The following SLC22A3 variants were observed in gnomAD, a reference collection of about 807,000 sequenced individuals.
The protein encoded by SLC22A3 is EMT organic cation transporter 3.
Under a neutral mutation model 59.1 loss-of-function variants are expected in SLC22A3, and 51 were observed. That is an observed-to-expected ratio of 0.86 (90% confidence interval 0.69 to 1.09). SLC22A3 has a LOEUF of 1.09. Ranked by LOEUF, SLC22A3 falls within the 50% of genes least tolerant of loss-of-function variation. The probability of loss-of-function intolerance (pLI) is 0.00; values close to 1 mark genes in which losing one functional copy is unlikely to be tolerated. For synonymous variants in SLC22A3, 325 were observed against 292.0 expected, an observed-to-expected ratio of 1.11 and a Z score of -1.15; for missense variants, 711 against 726.3, an observed-to-expected ratio of 0.98 and a Z score of 0.24.
At chr6:160,351,908 T>C (rs1251633591) in intron 1 of SLC22A3, among the ~76,000 whole-genome samples, 1 of 152,194 alleles carries the variant, frequency 6.6e-6, no homozygotes, top group East Asian at 1.9e-4. Context: ...CAGTCCACTT[T>C]CCTCCATAAA....
chr6:160,414,130 A>C (rs1787372067), intron 5 of SLC22A3, among the ~76,000 whole-genome samples: 1 of 152,212 alleles, frequency 6.6e-6, no homozygotes, highest in Non-Finnish European at 1.5e-5. Context: ...ATTTCTGGCA[A>C]GACTACTTCA....
intron 1 of SLC22A3, among the ~76,000 whole-genome samples, chr6:160,378,562 G>T (rs548355856): frequency 1.3e-5 from 2 of 152,346 alleles, no homozygotes; most frequent in Admixed American, 6.5e-5. Flanking sequence ...CTCCACCTTA[G>T]AATTTCTTTT....
chr6:160,410,976 A>G, intron 5 of SLC22A3, 130 bp downstream of exon 5: 2 of 495,992 alleles, frequency 4.0e-6, no homozygotes, highest in Non-Finnish European at 7.3e-6. Flanking sequence ...ATATGTATGT[A>G]TGTATATATG....
chr6:160,384,837 A>G (rs185261145), intron 1 of SLC22A3, among the ~76,000 whole-genome samples: 5 of 152,154 alleles, frequency 3.3e-5, no homozygotes, highest in Admixed American at 2.6e-4. Flanking sequence ...GTGCCTCATC[A>G]TGTCTCCACT....
At chr6:160,370,922 A>G (rs1489648412) in intron 1 of SLC22A3, among the ~76,000 whole-genome samples, 1 of 152,054 alleles carries the variant, frequency 6.6e-6, no homozygotes, top group East Asian at 1.9e-4. Flanking sequence ...CTTGTGTCCA[A>G]ATACAATCAG....
chr6:160,378,180 A>T (rs1335066503), intron 1 of SLC22A3, among the ~76,000 whole-genome samples: 1 of 152,242 alleles, frequency 6.6e-6, no homozygotes, highest in East Asian at 1.9e-4. Context: ...AAAATATGGT[A>T]GTAGAATTAG....
intron 1 of SLC22A3, among the ~76,000 whole-genome samples, chr6:160,396,808 T>A (rs976433297): frequency 5.9e-5 from 9 of 152,012 alleles, no homozygotes; most frequent in Admixed American, 2.0e-4. Flanking sequence ...GCAGAAAAAA[T>A]CCAATATTTA....
intron 5 of SLC22A3, among the ~76,000 whole-genome samples, chr6:160,416,999 T>C (rs1456796202): frequency 6.6e-6 from 1 of 152,236 alleles, no homozygotes; most frequent in Non-Finnish European, 1.5e-5. Flanking sequence ...TAAGTAAGCA[T>C]GAACTGCTAA....
chr6:160,353,619 C>T (rs534790372), intron 1 of SLC22A3, among the ~76,000 whole-genome samples: 2 of 152,048 alleles, frequency 1.3e-5, no homozygotes, highest in East Asian at 3.9e-4. Context: ...ATTCTCACAC[C>T]CTCTCATCTT....
At chr6:160,378,808 TA>T (rs1259821102) in intron 1 of SLC22A3, among the ~76,000 whole-genome samples, 1 of 152,220 alleles carries the variant, frequency 6.6e-6, no homozygotes, top group African/African-American at 2.4e-5. Flanking sequence ...AATAAAGGGT[TA>T]AATAGCTCAT....
rs753916522 is a variant in SLC22A3, at chr6:160,447,828, A to C, written c.1610+10A>C. On this transcript the variant is annotated intron_variant, in intron 10 of 10. Coordinates refer to ENST00000275300, the MANE Select transcript of SLC22A3 (RefSeq NM_021977.4). ...TAGAAAAACTTGGCAGGTACTGTAC[A>C]AAATTCAATGCACCCTAAATAAAAG... 1 of 1,583,942 alleles carries C rather than the reference A, an allele frequency of 6.3e-7. No individual in the cohort carries two copies. The highest frequency in any genetic ancestry group is 8.7e-7 in the Non-Finnish European group (1 of 1,152,522).
chr6:160,413,204 C>T (rs180775995), intron 5 of SLC22A3, among the ~76,000 whole-genome samples: 2 of 152,262 alleles, frequency 1.3e-5, no homozygotes, highest in Admixed American at 1.3e-4. Context: ...TGCTGTTACA[C>T]ATCCCATGAG....
At chr6:160,447,585 T>C (rs1788792433) in intron 9 of SLC22A3, 134 bp from the exon 10 acceptor site, 2 of 756,978 alleles carry the variant, frequency 2.6e-6, no homozygotes, top group Non-Finnish European at 4.8e-6. Context: ...GGGGCATTGA[T>C]CTGGGATGCA....
At chr6:160,359,056 G>A (rs1784934963) in intron 1 of SLC22A3, among the ~76,000 whole-genome samples, 1 of 152,198 alleles carries the variant, frequency 6.6e-6, no homozygotes, top group Admixed American at 6.5e-5. Flanking sequence ...GCACCCATCT[G>A]GCTCATGCCT....
chr6:160,349,956 C>T (rs746916284), intron 1 of SLC22A3, among the ~76,000 whole-genome samples: 3 of 152,018 alleles, frequency 2.0e-5, no homozygotes, highest in Non-Finnish European at 1.5e-5. Flanking sequence ...GTAGGAGCGC[C>T]CTTTCTGCCG....
chr6:160,450,593 T>C (rs1220220810), intron 10 of SLC22A3, among the ~76,000 whole-genome samples: 2 of 152,080 alleles, frequency 1.3e-5, no homozygotes, highest in East Asian at 3.9e-4. Context: ...GCATAAGAAA[T>C]TATAAAAGTA....
At position 160,423,776 on chromosome 6, in the gene SLC22A3, G is replaced by A. The variant is rs530563158; in HGVS notation, c.975+12930G>A. Among the ~76,000 whole-genome samples, 41 of 152,292 alleles carry A rather than the reference G, an allele frequency of 2.7e-4. No individual in the cohort carries two copies. In the East Asian group the frequency reaches 7.1e-3, roughly 27 times the overall value. On this transcript the variant is annotated intron_variant, in intron 5 of 10. Coordinates refer to ENST00000275300, the MANE Select transcript of SLC22A3 (RefSeq NM_021977.4). Reference sequence around the variant, plus strand: ...TTTTCTCCCATTCTCTAGGTTGCCTGTTCACTCTGATTGTAGTTTCTTTTG... The same window carrying A: ...TTTTCTCCCATTCTCTAGGTTGCCTATTCACTCTGATTGTAGTTTCTTTTG...
intron 1 of SLC22A3, among the ~76,000 whole-genome samples, chr6:160,392,889 G>GATTATTATTATTATTATTATTATT (rs745447046): frequency 1.3e-5 from 2 of 151,296 alleles, no homozygotes; most frequent in African/African-American, 4.9e-5. Context: ...CAGTATCAGT[G>GATTATTATTATTATTATTATTATT]ATTATTATTA....
chr6:160,418,624 G>A (rs1390655476), intron 5 of SLC22A3, among the ~76,000 whole-genome samples: 1 of 152,188 alleles, frequency 6.6e-6, no homozygotes, highest in African/African-American at 2.4e-5. Flanking sequence ...GTACTGACCT[G>A]GATGATGCAG....
Sources: allele counts gnomAD v4.1 joint callset (sites outside exome capture counted in the v4.1 genomes callset), GRCh38; gene constraint gnomAD v4.1.1; transcripts MANE v1.5; gene names NCBI Gene and HGNC (gene_info 2026-07-23, HGNC 2026-07-21).